ASAP2: variants seen among roughly 807,000 people sequenced by gnomAD.
The protein encoded by ASAP2 is ArfGAP with SH3 domain, ankyrin repeat and PH domain 2, also known as arf-GAP with SH3 domain, ANK repeat and PH domain-containing protein 2.
In ASAP2, 45 loss-of-function variants were observed where a neutral mutation model predicts 131.4. That is an observed-to-expected ratio of 0.34 (90% CI 0.27 to 0.44). The LOEUF is 0.44. Ranked by LOEUF, ASAP2 falls within the 20% of genes least tolerant of loss-of-function variation. The pLI, the probability that ASAP2 is intolerant of heterozygous loss-of-function variation, is 1.00. For missense variants in ASAP2, 1,011 were observed against 1,297.0 expected, an observed-to-expected ratio of 0.78 and a Z score of 3.39; for synonymous variants, 510 against 503.0, an observed-to-expected ratio of 1.01 and a Z score of -0.19.
chr2:9,376,094 C>T (rs993452148), intron 17 of ASAP2, among the ~76,000 whole-genome samples: 6 of 152,246 alleles, frequency 3.9e-5, no homozygotes, highest in Admixed American at 2.6e-4. Context: ...GGATGCCTCA[C>T]GGCTGCAGCA....
intron 1 of ASAP2, among the ~76,000 whole-genome samples, chr2:9,252,634 G>A (rs924035206): frequency 1.3e-5 from 2 of 151,920 alleles, no homozygotes; most frequent in African/African-American, 2.4e-5. Flanking sequence ...TTAGGAACAC[G>A]GCCGGGTGCA....
intron 15 of ASAP2, among the ~76,000 whole-genome samples, chr2:9,366,568 C>T (rs555020237): frequency 1.3e-5 from 2 of 152,328 alleles, no homozygotes; most frequent in East Asian, 3.9e-4. Context: ...CTTCCTGGTG[C>T]ATAGGTACCT....
intron 15 of ASAP2, among the ~76,000 whole-genome samples, chr2:9,365,888 C>T (rs1056965475): frequency 3.9e-5 from 6 of 152,168 alleles, no homozygotes; most frequent in African/African-American, 1.2e-4. Flanking sequence ...GGAAGGGCGA[C>T]GGACTGGGCT....
At chr2:9,367,461 C>T (rs962387619) in intron 15 of ASAP2, among the ~76,000 whole-genome samples, 3 of 152,142 alleles carry the variant, frequency 2.0e-5, no homozygotes, top group Non-Finnish European at 4.4e-5. Flanking sequence ...TTTCATTAAA[C>T]GTTTAAGAAT....
At chr2:9,262,873 G>A (rs574466498) in intron 1 of ASAP2, among the ~76,000 whole-genome samples, 6 of 152,272 alleles carry the variant, frequency 3.9e-5, no homozygotes, top group Middle Eastern at 3.4e-3. Context: ...TCTTTCACGC[G>A]GGGTTCAGAA....
intron 16 of ASAP2, among the ~76,000 whole-genome samples, 169 bp downstream of exon 16, chr2:9,368,688 A>G (rs1254882576): frequency 1.3e-5 from 2 of 152,146 alleles, no homozygotes; most frequent in East Asian, 3.9e-4. Flanking sequence ...GGGTGACCAA[A>G]TAGAAATTTT....
At chr2:9,295,903 G>A (rs1488143545) in intron 2 of ASAP2, among the ~76,000 whole-genome samples, 7 of 152,226 alleles carry the variant, frequency 4.6e-5, no homozygotes, top group African/African-American at 1.7e-4. Context: ...ACCATTCATA[G>A]GTCATAGGGA....
At chr2:9,327,544 T>A (rs1156606503) in intron 6 of ASAP2, among the ~76,000 whole-genome samples, 1 of 152,168 alleles carries the variant, frequency 6.6e-6, no homozygotes, top group Non-Finnish European at 1.5e-5. Context: ...TAGTCTTCCA[T>A]GTAGCTAGAG....
intron 1 of ASAP2, among the ~76,000 whole-genome samples, chr2:9,249,316 G>T (rs1301572026): frequency 6.6e-6 from 1 of 152,228 alleles, no homozygotes; most frequent in Non-Finnish European, 1.5e-5. Flanking sequence ...TGGCCTGTCT[G>T]TCTGCCCCAT....
chr2:9,317,534 CCA>C (rs1243935157), intron 3 of ASAP2, among the ~76,000 whole-genome samples: 14 of 146,374 alleles, frequency 9.6e-5, no homozygotes, highest in African/African-American at 3.3e-4. Flanking sequence ...ACACTCAAAT[CCA>C]CACAATCTCT....
At chr2:9,369,684 T>G (rs1326615305) in intron 16 of ASAP2, among the ~76,000 whole-genome samples, 2 of 152,174 alleles carry the variant, frequency 1.3e-5, no homozygotes, top group Admixed American at 1.3e-4. Flanking sequence ...TAAGAAAAAG[T>G]ATTTAAAAAT....
chr2:9,315,291 C>T (rs528003113), intron 3 of ASAP2, among the ~76,000 whole-genome samples: 2 of 152,130 alleles, frequency 1.3e-5, no homozygotes, highest in Non-Finnish European at 2.9e-5. Context: ...GACTAGGAAG[C>T]GGCAGCAGGG....
chr2:9,289,152 GA>G (rs1397962610), intron 2 of ASAP2, among the ~76,000 whole-genome samples: 1 of 152,182 alleles, frequency 6.6e-6, no homozygotes, highest in Non-Finnish European at 1.5e-5. Flanking sequence ...AGATCTCTTA[GA>G]AGCCTTTTGG....
chr2:9,382,751 A>G (rs549922587), intron 20 of ASAP2, among the ~76,000 whole-genome samples: 2 of 152,352 alleles, frequency 1.3e-5, no homozygotes, highest in Non-Finnish European at 2.9e-5. Flanking sequence ...CACTGTTGTC[A>G]CAACAAGCAA....
At chr2:9,377,397 A>G (rs1230355288) in intron 18 of ASAP2, among the ~76,000 whole-genome samples, 1 of 152,242 alleles carries the variant, frequency 6.6e-6, no homozygotes, top group East Asian at 1.9e-4. Context: ...CACATTAGCC[A>G]TGGTCTGAGC....
chr2:9,272,202 C>T (rs1299193708), intron 1 of ASAP2, among the ~76,000 whole-genome samples: 1 of 152,174 alleles, frequency 6.6e-6, no homozygotes, highest in Non-Finnish European at 1.5e-5. Flanking sequence ...CCCTTTTCTC[C>T]ACATCCCCAC....
In ASAP2 at chr2:9,306,495, G is replaced by A. The variant is rs549144350; in HGVS notation, c.345+9050G>A. Among the ~76,000 whole-genome samples the A allele has an allele frequency of 6.4e-4, 98 of 151,950 alleles. 2 individuals carry two copies. The South Asian group carries it at 0.016, about 25-fold the overall frequency. ...CACTGTTCTAAGAAGGGTTGATAAC[G>A]GAAGAGGAAAGCAGGTGGGAAGGGT... On this transcript the variant is annotated intron_variant, in intron 3 of 27. Coordinates refer to ENST00000281419, the MANE Select transcript of ASAP2 (RefSeq NM_003887.3).
chr2:9,241,681 A>T (rs1663978871), intron 1 of ASAP2, among the ~76,000 whole-genome samples: 1 of 152,218 alleles, frequency 6.6e-6, no homozygotes, highest in South Asian at 2.1e-4. Context: ...GTAAATGTTC[A>T]TGCCTCACCA....
At chr2:9,381,026 G>A (rs542421720) in intron 20 of ASAP2, among the ~76,000 whole-genome samples, 1 of 152,364 alleles carries the variant, frequency 6.6e-6, no homozygotes, top group South Asian at 2.1e-4. Flanking sequence ...GACTTGGGGT[G>A]TGAGTCAGTG....
Sources: gnomAD v4.1 joint callset for allele counts (sites outside exome capture counted in the v4.1 genomes callset) on GRCh38, gnomAD v4.1.1 for gene constraint, MANE v1.5 for transcripts, NCBI Gene and HGNC (gene_info 2026-07-23, HGNC 2026-07-21) for gene names.